SPEG: variants seen among roughly 807,000 people sequenced by gnomAD.
The protein encoded by SPEG is striated muscle enriched protein kinase.
In SPEG, 114 loss-of-function variants were observed where a neutral mutation model predicts 300.4. That is an observed-to-expected ratio of 0.38 (90% CI 0.33 to 0.44). The LOEUF (loss-of-function observed/expected upper bound fraction) is 0.44, where lower values mean the gene tolerates loss of function less well. Ranked by LOEUF, SPEG falls within the 20% of genes least tolerant of loss-of-function variation. SPEG has a pLI of 1.00. For synonymous variants in SPEG, 1,964 were observed against 2,018.9 expected, an observed-to-expected ratio of 0.97 and a Z score of 0.73; for missense variants, 4,201 against 4,586.2, an observed-to-expected ratio of 0.92 and a Z score of 2.43.
Position 219,483,809 on chromosome 2 carries a change from C to A in SPEG, c.6346C>A (p.His2116Asn), listed in dbSNP as rs753586945. 4 of 1,575,440 alleles carry A rather than the reference C, an allele frequency of 2.5e-6. No homozygotes were observed. The highest frequency in any genetic ancestry group is 3.4e-6 in the Non-Finnish European group (4 of 1,167,816). ...RAASSEAAPH[H>N]QPPLENRGLQ... The stretch of plus-strand genomic sequence containing the variant: ...TGCCTCCAGCGAGGCAGCGCCCCAC[C>A]ACCAGCCCCCACTCGAGAACCGGGG... Residue 2116 changes from histidine (H) to asparagine (N), a missense_variant, in exon 30 of 41, where the codon CAC (histidine) becomes AAC (asparagine). Coordinates refer to ENST00000312358, the MANE Select transcript of SPEG (RefSeq NM_005876.5).
At chr2:219,462,614 G>A (rs564196219) in intron 8 of SPEG, among the ~76,000 whole-genome samples, 8 of 152,356 alleles carry the variant, frequency 5.3e-5, no homozygotes, top group African/African-American at 1.9e-4. Context: ...TGGGTCTCAT[G>A]TCTGTCCATT....
chr2:219,489,699 T>C lies in SPEG; in HGVS notation c.8681T>C (p.Val2894Ala). The change falls in exon 36 of 41, where the codon GTG becomes GCG. Residue 2894 changes from valine (V) to alanine (A), a missense_variant. Val to Ala is a moderately conservative substitution (Grantham distance 64). Coordinates refer to ENST00000312358, the MANE Select transcript of SPEG (RefSeq NM_005876.5). ...TCCACTCCTCAAGGGGTTAAACCAG[T>C]GTCTTCCTCTACTCCTGTGTATGTG... The part of the protein sequence containing the change: ...PASTPQGVKP[V>A]SSSTPVYVVT... The C allele has an allele frequency of 1.2e-6, 2 of 1,614,132 alleles. No homozygotes were observed. Among genetic ancestry groups the C allele is most frequent in the Non-Finnish European group, 1.7e-6 (2 of 1,180,006 alleles).
intron 10 of SPEG, among the ~76,000 whole-genome samples, chr2:219,467,943 T>C (rs1575119432): frequency 6.6e-6 from 1 of 152,244 alleles, no homozygotes; most frequent in East Asian, 1.9e-4. Context: ...TGCCAGCCAT[T>C]GTTACCACTG....
At chr2:219,437,949 A>G (rs992824223) in intron 1 of SPEG, among the ~76,000 whole-genome samples, 17 of 152,226 alleles carry the variant, frequency 1.1e-4, no homozygotes, top group African/African-American at 4.1e-4. Flanking sequence ...AGACGGAAGG[A>G]CATGCTTTCC....
Position 219,473,555 on chromosome 2 carries a change from A to G in SPEG, c.4199A>G (p.Tyr1400Cys), listed in dbSNP as rs1692077434. Reference protein sequence around the residue: ...PAMLDKPDIVYVVEGQPASVT... With the variant: ...PAMLDKPDIVCVVEGQPASVT... ...ATGCTGGACAAACCAGACATCGTGT[A>G]TGTGGTGGAGGGACAGCCTGCCAGC... Residue 1400 changes from tyrosine to cysteine, a missense_variant, in exon 17 of 41, where the codon TAT (tyrosine) becomes TGT (cysteine). By Grantham distance (194) the Tyr-to-Cys change is radical (BLOSUM62 -2). Coordinates refer to ENST00000312358, the MANE Select transcript of SPEG (RefSeq NM_005876.5). The surrounding 1 kb of genome is among the most constrained non-coding windows in gnomAD (Gnocchi z 4.6). 6.2e-7 allele frequency: 1 copy of G among 1,614,004 alleles called. No homozygotes were observed. The highest frequency in any genetic ancestry group is 1.3e-5 in the African/African-American group (1 of 74,908).
intron 13 of SPEG, among the ~76,000 whole-genome samples, chr2:219,471,492 T>C (rs565186131): frequency 6.6e-6 from 1 of 152,130 alleles, no homozygotes; most frequent in South Asian, 2.1e-4. Context: ...CAAAGCTTTG[T>C]TCGAGTTTTG....
At chr2:219,449,297 G>A in intron 4 of SPEG, 26 bp downstream of exon 4, 1 of 1,358,810 alleles carries the variant, frequency 7.4e-7, no homozygotes, top group Non-Finnish European at 9.5e-7. Context: ...GGGCTGACAA[G>A]GTGCCTGAAC....
intron 10 of SPEG, among the ~76,000 whole-genome samples, chr2:219,467,677 C>T (rs931348925): frequency 1.3e-5 from 2 of 152,238 alleles, no homozygotes; most frequent in East Asian, 1.9e-4. Context: ...CTGAGGTGAA[C>T]GTGGGTTCCC....
At chr2:219,476,613 C>A (rs1692364811) in intron 18 of SPEG, among the ~76,000 whole-genome samples, 1 of 152,116 alleles carries the variant, frequency 6.6e-6, no homozygotes, top group African/African-American at 2.4e-5. Context: ...ACAAAGCAAG[C>A]CTGCACCTTG....
At chr2:219,471,071 A>G (rs1275938888) in intron 13 of SPEG, among the ~76,000 whole-genome samples, 3 of 152,114 alleles carry the variant, frequency 2.0e-5, no homozygotes, top group Admixed American at 6.5e-5. Context: ...GCCCCCGCCC[A>G]TGAAAAGCAG....
intron 39 of SPEG, 106 bp downstream of exon 39, chr2:219,491,975 A>C: frequency 7.5e-7 from 1 of 1,336,488 alleles, no homozygotes; most frequent in South Asian, 1.4e-5. Context: ...CCCTGTACAC[A>C]CATCCACACT....
At position 219,448,971 on chromosome 2, in the gene SPEG, C is replaced by A; in HGVS notation, c.1813C>A (p.Gln605Lys). The A allele has an allele frequency of 6.6e-7, 1 of 1,509,120 alleles. No homozygotes were observed. The highest frequency in any genetic ancestry group is 8.8e-7 in the Non-Finnish European group (1 of 1,132,250). 93.5% of individuals were successfully genotyped at this position (1,509,120 alleles called of 1,614,324 possible). The change falls in exon 4 of 41, where the codon CAG (glutamine) becomes AAG (lysine). Residue 605 changes from glutamine to lysine, a missense_variant. By Grantham distance (53) the Gln-to-Lys change is moderately conservative. Coordinates refer to ENST00000312358, the MANE Select transcript of SPEG (RefSeq NM_005876.5). Reference protein sequence around the residue: ...QFPLTRSRAIQECRSPVPPPA... With the variant: ...QFPLTRSRAIKECRSPVPPPA... Reference sequence around the variant, plus strand: ...CCCGCTGACCCGGAGCAGAGCCATCCAGGAGTGCAGGAGCCCTGTGCCGCC... The same window carrying A: ...CCCGCTGACCCGGAGCAGAGCCATCAAGGAGTGCAGGAGCCCTGTGCCGCC...
At chr2:219,491,750 T>C in intron 38 of SPEG, 44 bp from the exon 39 acceptor site, 1 of 1,568,096 alleles carries the variant, frequency 6.4e-7, no homozygotes, top group Admixed American at 1.7e-5. Context: ...CCCACTTCCC[T>C]GCCACCAGGA....
chr2:219,450,253 A>T (rs1373126451), intron 4 of SPEG, among the ~76,000 whole-genome samples: 3 of 152,164 alleles, frequency 2.0e-5, no homozygotes, highest in Non-Finnish European at 4.4e-5. Flanking sequence ...GCCCTTACAG[A>T]TGTTATTTCA....
chr2:219,468,836 A>G (rs1237163478), intron 11 of SPEG, 23 bp from the exon 12 acceptor site: 1 of 1,609,168 alleles, frequency 6.2e-7, no homozygotes, highest in African/African-American at 1.3e-5. Context: ...CCTGCTCTGC[A>G]TTCCCACCCC....
Position 219,451,382 on chromosome 2 carries a change from G to T in SPEG, c.2257+103G>T, listed in dbSNP as rs2125306839. ...ACTCCTCCAAGGGAGGGGTGGGAAA[G>T]AGGGGAATTATCCCCTCCACGGGGG... On this transcript the variant is annotated intron_variant, in intron 5 of 40. Transcript: ENST00000312358. The surrounding 1 kb of genome is among the most constrained non-coding windows in gnomAD (Gnocchi z 6.4). The T allele has an allele frequency of 6.9e-7, 1 of 1,448,422 alleles. No homozygotes were observed. Among genetic ancestry groups the T allele is most frequent in the Middle Eastern group, 2.6e-4 (1 of 3,888 alleles). The allele number at this position is 1,448,422 out of a possible 1,614,324, so 89.7% of individuals were successfully genotyped here. A position where few individuals can be genotyped will look rare whatever the true frequency, so the allele number is the denominator to read the frequency against.
chr2:219,493,582 C>T lies in SPEG; in HGVS notation c.*796C>T, dbSNP rs1406396517. 2 of 467,348 alleles carry T rather than the reference C, an allele frequency of 4.3e-6. No individual in the cohort carries two copies. The highest frequency in any genetic ancestry group is 2.2e-5 in the Admixed American group (1 of 44,648). The allele number at this position is 467,348 out of a possible 1,614,324, so 29.0% of individuals were successfully genotyped here. On this transcript the variant is annotated 3_prime_UTR_variant, in exon 41 of 41. Coordinates refer to ENST00000312358, the MANE Select transcript of SPEG (RefSeq NM_005876.5). ...TGTCCTGACCATCCCTCCCAGCCAT[C>T]CAGCTGTCTGTCTGTCTGCCACAAG...
In SPEG at chr2:219,477,793, G is replaced by A. The variant is rs765897715; in HGVS notation, c.4826+8G>A. Reference sequence around the variant, plus strand: ...CCACCAGGAGATCGGCAGGTGTGGGGCTAGGAGGGAAGCCAGTGGGGGCCG... The same window carrying A: ...CCACCAGGAGATCGGCAGGTGTGGGACTAGGAGGGAAGCCAGTGGGGGCCG... On this transcript the variant is annotated splice_region_variant and intron_variant, in intron 21 of 40. Coordinates refer to ENST00000312358, the MANE Select transcript of SPEG (RefSeq NM_005876.5). The surrounding 1 kb of genome is among the most constrained non-coding windows in gnomAD (Gnocchi z 6.4). 1 of 1,602,632 alleles carries A rather than the reference G, an allele frequency of 6.2e-7. No individual in the cohort carries two copies. The highest frequency in any genetic ancestry group is 8.5e-7 in the Non-Finnish European group (1 of 1,172,914).
intron 40 of SPEG, 129 bp from the exon 41 acceptor site, chr2:219,492,465 C>T (rs939311632): frequency 8.5e-7 from 1 of 1,169,880 alleles, no homozygotes; most frequent in African/African-American, 1.5e-5. Flanking sequence ...GAACTGAGCT[C>T]TTGAGCTGCC....
Sources: gnomAD v4.1 joint callset for allele counts (sites outside exome capture counted in the v4.1 genomes callset) on GRCh38, gnomAD v4.1.1 for gene constraint, Gnocchi (gnomAD v3.1) non-coding constraint, MANE v1.5 for transcripts, NCBI Gene and HGNC (gene_info 2026-07-23, HGNC 2026-07-21) for gene names.